ZNF804B: variants seen among roughly 807,000 people sequenced by gnomAD.
ZNF804B encodes zinc finger 804B.
A neutral mutation model predicts 101.4 loss-of-function variants in ZNF804B; 80 were observed. The ratio of observed to expected loss-of-function variants is 0.79; its 90% CI spans 0.66 to 0.95. ZNF804B has a LOEUF of 0.95. ZNF804B is among the 40% of genes least tolerant of loss of function. The pLI, the probability that ZNF804B is intolerant of heterozygous loss-of-function variation, is 0.00. For missense variants in ZNF804B, 1,673 were observed against 1,561.9 expected, an observed-to-expected ratio of 1.07 and a Z score of -1.20; for synonymous variants, 622 against 558.8, an observed-to-expected ratio of 1.11 and a Z score of -1.59.
intron 1 of ZNF804B, among the ~76,000 whole-genome samples, chr7:88,899,982 T>C (rs556005065): frequency 5.3e-4 from 81 of 152,240 alleles, no homozygotes; most frequent in Admixed American, 9.2e-4. Context: ...CAAAAGGTAT[T>C]GTGAATTGGT....
intron 1 of ZNF804B, among the ~76,000 whole-genome samples, chr7:89,174,063 T>A (rs560774930): frequency 3.4e-4 from 51 of 152,138 alleles, no homozygotes; most frequent in Middle Eastern, 3.4e-3. Context: ...GCCTCAAGCA[T>A]TTATCATTTC....
intron 1 of ZNF804B, among the ~76,000 whole-genome samples, chr7:89,215,868 A>G (rs1300075379): frequency 6.9e-6 from 1 of 145,654 alleles, no homozygotes; most frequent in Non-Finnish European, 1.5e-5. Context: ...TGGGCAACAG[A>G]GAGAGACTCC....
intron 1 of ZNF804B, among the ~76,000 whole-genome samples, chr7:88,785,759 A>G (rs932683682): frequency 5.3e-5 from 8 of 152,092 alleles, no homozygotes; most frequent in African/African-American, 1.9e-4. Context: ...TCCCTCTGCT[A>G]GAATACATAC....
intron 1 of ZNF804B, among the ~76,000 whole-genome samples, chr7:89,006,535 A>AAT (rs1788370790): frequency 6.6e-6 from 1 of 152,104 alleles, no homozygotes; most frequent in Admixed American, 6.6e-5. Flanking sequence ...AACTTTGAAA[A>AAT]ATATAACAAA....
At chr7:89,267,803 A>C (rs1789823910) in intron 2 of ZNF804B, among the ~76,000 whole-genome samples, 1 of 152,194 alleles carries the variant, frequency 6.6e-6, no homozygotes, top group Admixed American at 6.6e-5. Flanking sequence ...TTCTTAACAT[A>C]GAAAGTACCT....
At chr7:88,943,605 A>G (rs374633234) in intron 1 of ZNF804B, among the ~76,000 whole-genome samples, 2 of 152,016 alleles carry the variant, frequency 1.3e-5, no homozygotes, top group African/African-American at 4.8e-5. Flanking sequence ...TTGAGATAAT[A>G]CAAAGTAAAA....
rs1584061846 is a variant in ZNF804B at position 89,218,178 on chromosome 7, A to G, written c.132A>G (p.Thr44=). 6.2e-7 allele frequency: 1 copy of G among 1,613,388 alleles called. No homozygotes were observed. Among genetic ancestry groups the G allele is most frequent in the Non-Finnish European group, 8.5e-7 (1 of 1,179,688 alleles). ...PSPDFAEKKS[T]AKALEDVKAN... ...AGGATTTTGCAGAAAAGAAGTCCACAGCAAAGGCCCTGGAAGATGTAAAGG... is the reference window on the plus strand; with the variant it reads ...AGGATTTTGCAGAAAAGAAGTCCACGGCAAAGGCCCTGGAAGATGTAAAGG... Residue 44 remains threonine, a synonymous_variant, in exon 2 of 4, where the codon ACA becomes ACG. Coordinates refer to ENST00000333190, the MANE Select transcript of ZNF804B (RefSeq NM_181646.5).
At chr7:89,280,040 G>C (rs555979873) in intron 2 of ZNF804B, among the ~76,000 whole-genome samples, 1 of 152,128 alleles carries the variant, frequency 6.6e-6, no homozygotes, top group South Asian at 2.1e-4. Context: ...TAAAAGAACA[G>C]AAATTATAAC....
rs1478018355 is a variant in ZNF804B at position 89,007,594 on chromosome 7, TATA to T, written c.109-210558_109-210556del. ...TTATATATAATATATATTTATATAT[TATA>T]ATTATATATGATTATATATATTTAT... On this transcript the variant is annotated intron_variant, in intron 1 of 3. Transcript: ENST00000333190. Among the ~76,000 whole-genome samples the T allele has an allele frequency of 1.4e-3, 183 of 133,342 alleles. 1 individual carries two copies. The highest frequency in any genetic ancestry group is 4.7e-3 in the African/African-American group (167 of 35,474). 87.5% of individuals were successfully genotyped at this position (133,342 alleles called of 152,430 possible).
intron 1 of ZNF804B, among the ~76,000 whole-genome samples, chr7:88,790,527 GT>G (rs1790365604): frequency 6.6e-6 from 1 of 151,960 alleles, no homozygotes; most frequent in Non-Finnish European, 1.5e-5. Flanking sequence ...GAGGTATTTG[GT>G]TTTCTGTTCC....
In ZNF804B at chr7:89,311,098, C is replaced by T. The variant is rs1370057111; in HGVS notation, c.250-16246C>T. Among the ~76,000 whole-genome samples the T allele has an allele frequency of 3.3e-5, 5 of 152,026 alleles. No individual in the cohort carries two copies. In the South Asian group the frequency reaches 6.2e-4, roughly 19 times the overall value. ...CCTTAAGACCTTGGTCTTGTCCACA[C>T]GTGACTTGAAGCAATAGAGGTAGAA... On this transcript the variant is annotated intron_variant, in intron 2 of 3. Coordinates refer to ENST00000333190, the MANE Select transcript of ZNF804B (RefSeq NM_181646.5).
rs112266242 is a variant in ZNF804B, at chr7:89,115,904, G to GTTT, written c.109-102242_109-102240dup. 1.2e-3 allele frequency among the ~76,000 whole-genome samples: 173 copies of GTTT among 146,052 alleles called. 1 individual carries two copies. Among genetic ancestry groups the GTTT allele is most frequent in the East Asian group, 1.4e-3 (7 of 4,928 alleles). On this transcript the variant is annotated intron_variant, in intron 1 of 3. Transcript: ENST00000333190. ...TATTTAAAGGTCAACAGGTTTTTTT[G>GTTT]TTTTTTTTTTTCTTTTTTTTGACAA...
chr7:88,833,803 T>G (rs1423925052), intron 1 of ZNF804B, among the ~76,000 whole-genome samples: 1 of 151,864 alleles, frequency 6.6e-6, no homozygotes, highest in East Asian at 1.9e-4. Flanking sequence ...GTGATTTTCT[T>G]AAGGCTTTAG....
Position 88,780,810 on chromosome 7 carries a change from G to A in ZNF804B, c.108+20726G>A, listed in dbSNP as rs536895866. 6.6e-4 allele frequency among the ~76,000 whole-genome samples: 101 copies of A among 152,162 alleles called. No individual in the cohort carries two copies. The South Asian group carries it at 0.02, about 30-fold the overall frequency. On this transcript the variant is annotated intron_variant, in intron 1 of 3. Coordinates refer to ENST00000333190, the MANE Select transcript of ZNF804B (RefSeq NM_181646.5). ...ATACTTTTCAACAATTTTATCTCACGTAAACTGCAAATAATGATATAATTT... is the reference window on the plus strand; with the variant it reads ...ATACTTTTCAACAATTTTATCTCACATAAACTGCAAATAATGATATAATTT...
At chr7:88,807,251 G>A (rs977652537) in intron 1 of ZNF804B, among the ~76,000 whole-genome samples, 8 of 151,978 alleles carry the variant, frequency 5.3e-5, no homozygotes, top group African/African-American at 1.9e-4. Context: ...GTTTTAATTG[G>A]CATAATTTTA....
chr7:88,784,164 A>G (rs1426076308), intron 1 of ZNF804B, among the ~76,000 whole-genome samples: 2 of 152,162 alleles, frequency 1.3e-5, no homozygotes, highest in Non-Finnish European at 2.9e-5. Flanking sequence ...TTATAAATAC[A>G]ATGTGGCTGA....
intron 2 of ZNF804B, among the ~76,000 whole-genome samples, chr7:89,219,215 G>A (rs1788943793): frequency 6.6e-6 from 1 of 152,052 alleles, no homozygotes; most frequent in African/African-American, 2.4e-5. Context: ...TAGAATCCTG[G>A]ACTAGTATTA....
chr7:88,982,886 C>T (rs1391144111), intron 1 of ZNF804B, among the ~76,000 whole-genome samples: 2 of 152,042 alleles, frequency 1.3e-5, no homozygotes, highest in African/African-American at 2.4e-5. Flanking sequence ...GACTCCAGAT[C>T]ACCAAGTCCT....
At chr7:88,889,254 G>C (rs1388576612) in intron 1 of ZNF804B, among the ~76,000 whole-genome samples, 1 of 152,084 alleles carries the variant, frequency 6.6e-6, no homozygotes, top group Non-Finnish European at 1.5e-5. Context: ...AATGAACATA[G>C]GAGTACATGT....
Sources: gnomAD v4.1 joint callset for allele counts (sites outside exome capture counted in the v4.1 genomes callset) on GRCh38, gnomAD v4.1.1 for gene constraint, MANE v1.5 for transcripts, NCBI Gene and HGNC (gene_info 2026-07-23, HGNC 2026-07-21) for gene names.